The following SMYD1 variants were observed in gnomAD, a reference collection of about 807,000 sequenced individuals.
SMYD1 encodes the protein histone-lysine N-methyltransferase SMYD1.
SMYD1 carries 49 observed loss-of-function variants against 54.0 expected under a neutral mutation model. The observed-to-expected ratio is 0.91, with a 90% CI of 0.72 to 1.15. The LOEUF is 1.15. SMYD1 is among the 50% of genes most tolerant of loss of function. The pLI is 0.00. For synonymous variants in SMYD1, 269 were observed against 234.2 expected (o/e 1.15, Z -1.36); for missense variants, 653 against 639.6 (o/e 1.02, Z -0.23).
intron 5 of SMYD1, among the ~76,000 whole-genome samples, chr2:88,095,091 AAGTG>A (rs1674550373): frequency 2.0e-5 from 3 of 152,148 alleles, no homozygotes; most frequent in African/African-American, 7.2e-5. Context: ...TCTGTCCCGA[AAGTG>A]TTGTGGGACC....
intron 7 of SMYD1, among the ~76,000 whole-genome samples, chr2:88,103,717 G>T (rs186396374): frequency 3.3e-5 from 5 of 152,230 alleles, no homozygotes; most frequent in Non-Finnish European, 7.4e-5. Context: ...TGATTTCAAT[G>T]TGTAACCAAA....
chr2:88,078,911 G>T (rs940302375), intron 1 of SMYD1, among the ~76,000 whole-genome samples: 4 of 152,246 alleles, frequency 2.6e-5, no homozygotes, highest in African/African-American at 9.6e-5. Flanking sequence ...ATGCTTCCTG[G>T]GTTTCACCAG....
intron 9 of SMYD1, among the ~76,000 whole-genome samples, 154 bp from the exon 10 acceptor site, chr2:88,110,200 A>AGTGTGTGTGTGT (rs3222709): frequency 8.6e-5 from 12 of 139,088 alleles, no homozygotes; most frequent in African/African-American, 2.5e-4. Context: ...TTGATGAATG[A>AGTGTGTGTGTGT]GTGTGTGTGT....
intron 1 of SMYD1, among the ~76,000 whole-genome samples, chr2:88,071,642 T>C (rs1673947669): frequency 6.6e-6 from 1 of 152,198 alleles, no homozygotes; most frequent in South Asian, 2.1e-4. Context: ...TACCAATCAA[T>C]GAGAACTAGC....
At chr2:88,102,926 A>G (rs1674753630) in intron 6 of SMYD1, 132 bp from the exon 7 acceptor site, 1 of 651,668 alleles carries the variant, frequency 1.5e-6, no homozygotes, top group African/African-American at 1.8e-5. Context: ...TAGCATTTAC[A>G]GGAATGAGGC....
Position 88,110,361 on chromosome 2 carries a change from G to C in SMYD1, c.1322G>C (p.Arg441Pro), listed in dbSNP as rs759065695. The change falls in exon 10 of 10, where the codon CGG becomes CCG. Residue 441 changes from arginine to proline, a missense_variant. Transcript: ENST00000419482. ...TGTATCTGTGTCCCACAGGCCATGC[G>C]GGTGCAGACGGAGATGGAGCTACGC... ...HPITKDLEAM[R>P]VQTEMELRMF... The C allele has an allele frequency of 6.2e-7, 1 of 1,611,728 alleles. No homozygotes were observed. The highest frequency in any genetic ancestry group is 8.5e-7 in the Non-Finnish European group (1 of 1,178,894).
At position 88,067,974 on chromosome 2, in the gene SMYD1, G is replaced by T; in HGVS notation, c.110G>T (p.Arg37Leu). ...GCTGCAGATATCATCTTTGCTGAGC[G>T]GGCTTATTCCGCAGTGGTTTTTGAC... Reference protein sequence around the residue: ...FWAADIIFAERAYSAVVFDSL... With the variant: ...FWAADIIFAELAYSAVVFDSL... The change falls in exon 1 of 10, where the codon CGG (arginine) becomes CTG (leucine). Residue 37 changes from arginine to leucine, a missense_variant. Coordinates refer to ENST00000419482, the MANE Select transcript of SMYD1 (RefSeq NM_198274.4). 3 of 1,613,756 alleles carry T rather than the reference G, an allele frequency of 1.9e-6. No individual in the cohort carries two copies. Among genetic ancestry groups the T allele is most frequent in the Non-Finnish European group, 2.5e-6 (3 of 1,180,020 alleles).
At chr2:88,103,302 G>A in intron 7 of SMYD1, 152 bp downstream of exon 7, 3 of 629,994 alleles carry the variant, frequency 4.8e-6, no homozygotes, top group Non-Finnish European at 2.8e-6. Flanking sequence ...TTGAGATCAT[G>A]ACTCTTCTTG....
intron 6 of SMYD1, 60 bp from the exon 7 acceptor site, chr2:88,102,998 A>G: frequency 7.4e-7 from 1 of 1,344,308 alleles, no homozygotes; most frequent in Middle Eastern, 2.0e-4. Context: ...GCAACTATTC[A>G]AAGGTGGAAT....
At chr2:88,108,260 G>A in intron 8 of SMYD1, 111 bp from the exon 9 acceptor site, 4 of 1,100,266 alleles carry the variant, frequency 3.6e-6, no homozygotes, top group Non-Finnish European at 4.9e-6. Flanking sequence ...TTGCAGTGCT[G>A]AGGGGAAGAC....
chr2:88,095,255 G>C (rs2919884), intron 5 of SMYD1, among the ~76,000 whole-genome samples: 53,615 of 152,058 alleles, frequency 0.35, 9,575 homozygotes, highest in Middle Eastern at 0.46. Context: ...CTGAAAATTG[G>C]GGTAAGGAAC....
Position 88,087,871 on chromosome 2 carries a change from G to GC in SMYD1, c.325dup (p.Arg109ProfsTer70). Reference sequence around the variant, plus strand: ...GCTGCCCTTCCCACAGGCTGGCGGCGCGCATCATGTGGCGGGTGGAGAGAG... The same window carrying GC: ...GCTGCCCTTCCCACAGGCTGGCGGCGCCGCATCATGTGGCGGGTGGAGAGAG... On this transcript the variant is annotated frameshift_variant, in exon 3 of 10. Transcript: ENST00000419482. LOFTEE classifies it high-confidence loss of function. The GC allele has an allele frequency of 3.2e-6, 5 of 1,586,478 alleles. No homozygotes were observed. Among genetic ancestry groups the GC allele is most frequent in the Admixed American group, 1.7e-5 (1 of 57,396 alleles).
intron 1 of SMYD1, among the ~76,000 whole-genome samples, chr2:88,069,741 C>T (rs1459631517): frequency 6.6e-6 from 1 of 152,174 alleles, no homozygotes; most frequent in African/African-American, 2.4e-5. Flanking sequence ...CCACTCTTAA[C>T]ATGTTGGGTA....
intron 1 of SMYD1, among the ~76,000 whole-genome samples, chr2:88,075,324 T>C (rs1674034246): frequency 6.6e-6 from 1 of 152,188 alleles, no homozygotes; most frequent in Non-Finnish European, 1.5e-5. Flanking sequence ...ATAATGATGC[T>C]ATCTTTACCC....
chr2:88,087,713 A>C lies in SMYD1; in HGVS notation c.315-149A>C, dbSNP rs750201677. The C allele has an allele frequency of 4.3e-6, 3 of 691,586 alleles. No individual in the cohort carries two copies. The African/African-American group carries it at 5.4e-5, about 12-fold the overall frequency. The allele number at this position is 691,586 out of a possible 1,614,324, so 42.8% of individuals were successfully genotyped here. ...TACTTACCTCTCCCCCACTATATGAAGCATCATGATAGAATAAATTCCATC... is the reference window on the plus strand; with the variant it reads ...TACTTACCTCTCCCCCACTATATGACGCATCATGATAGAATAAATTCCATC... On this transcript the variant is annotated intron_variant, in intron 2 of 9. Coordinates refer to ENST00000419482, the MANE Select transcript of SMYD1 (RefSeq NM_198274.4).
chr2:88,078,323 T>C (rs1048602342), intron 1 of SMYD1, among the ~76,000 whole-genome samples: 1 of 152,240 alleles, frequency 6.6e-6, no homozygotes, highest in Non-Finnish European at 1.5e-5. Context: ...GTAATTTTCA[T>C]CTTGCTTGAA....
chr2:88,070,018 A>C (rs1282755892), intron 1 of SMYD1, among the ~76,000 whole-genome samples: 1 of 152,236 alleles, frequency 6.6e-6, no homozygotes, highest in Non-Finnish European at 1.5e-5. Context: ...CATTGCAGAT[A>C]AATGCTACAT....
At chr2:88,095,638 G>C (rs1674569695) in intron 5 of SMYD1, among the ~76,000 whole-genome samples, 1 of 152,204 alleles carries the variant, frequency 6.6e-6, no homozygotes, top group African/African-American at 2.4e-5. Flanking sequence ...TTCCTCTCTG[G>C]ATGATGGCTT....
rs1674760593 is a variant in SMYD1 at position 88,103,118 on chromosome 2, G to A, written c.949G>A (p.Asp317Asn). Residue 317 changes from aspartate to asparagine, a missense_variant, in exon 7 of 10, where the codon GAC becomes AAC. Asp to Asn is a conservative substitution (Grantham distance 23). Transcript: ENST00000419482. The stretch of plus-strand genomic sequence containing the variant: ...CTCCAAGGATACATTGGAAAAGATA[G>A]ACAAGGCTCGTTCCGAGGGTTTGTA... ...QFSKDTLEKI[D>N]KARSEGLYHE... 16 of 1,613,990 alleles carry A rather than the reference G, an allele frequency of 9.9e-6. No homozygotes were observed. Among genetic ancestry groups the A allele is most frequent in the Non-Finnish European group, 1.4e-5 (16 of 1,179,932 alleles).
Sources: gnomAD v4.1 joint callset for allele counts (sites outside exome capture counted in the v4.1 genomes callset) on GRCh38, gnomAD v4.1.1 for gene constraint, MANE v1.5 for transcripts, NCBI Gene and HGNC (gene_info 2026-07-23, HGNC 2026-07-21) for gene names.